TTC29: variants seen among roughly 807,000 people sequenced by gnomAD.
TTC29 encodes tetratricopeptide repeat domain 29, also known as tetratricopeptide repeat protein 29.
In TTC29, 49 loss-of-function variants were observed where a neutral mutation model predicts 58.1. That is an observed-to-expected ratio of 0.84 (90% CI 0.67 to 1.07). TTC29 has a LOEUF of 1.07. TTC29 is among the 50% of genes least tolerant of loss of function. The pLI is 0.00. For synonymous variants in TTC29, 209 were observed against 196.8 expected (o/e 1.06, Z -0.52); for missense variants, 582 against 555.6 (o/e 1.05, Z -0.48).
intron 8 of TTC29, among the ~76,000 whole-genome samples, chr4:146,837,064 A>T (rs1003840716): frequency 2.0e-5 from 3 of 152,168 alleles, no homozygotes; most frequent in African/African-American, 7.2e-5. Flanking sequence ...CTGCAGCACT[A>T]TTCACAATAG....
intron 11 of TTC29, among the ~76,000 whole-genome samples, chr4:146,792,013 G>C (rs1749493284): frequency 6.6e-6 from 1 of 152,208 alleles, no homozygotes; most frequent in South Asian, 2.1e-4. Flanking sequence ...GTTAAGAGAA[G>C]AAGTCATCTC....
chr4:146,854,578 C>T (rs1428784686), intron 8 of TTC29, among the ~76,000 whole-genome samples: 2 of 152,112 alleles, frequency 1.3e-5, no homozygotes, highest in South Asian at 2.1e-4. Flanking sequence ...ACTCTTACTC[C>T]CTTTCCCCTC....
At chr4:146,728,866 T>TACAC (rs1305554152) in intron 11 of TTC29, among the ~76,000 whole-genome samples, 8 of 44,392 alleles carry the variant, frequency 1.8e-4, no homozygotes, top group South Asian at 1.5e-3. Context: ...TACACATATA[T>TACAC]ATGTGTGTGT....
chr4:146,720,351 A>C (rs1743266281), intron 11 of TTC29, among the ~76,000 whole-genome samples: 1 of 152,136 alleles, frequency 6.6e-6, no homozygotes, highest in Non-Finnish European at 1.5e-5. Flanking sequence ...TCTTGCATTA[A>C]AGAAAAACCC....
At position 146,824,875 on chromosome 4, in the gene TTC29, T is replaced by C. The variant is rs186250328; in HGVS notation, c.978-4627A>G. 5.3e-5 allele frequency among the ~76,000 whole-genome samples: 8 copies of C among 152,320 alleles called. No individual in the cohort carries two copies. The East Asian group carries it at 1.5e-3, about 29-fold the overall frequency. Reference sequence around the variant, plus strand: ...ATTTATCCATTTCTTCTAGATTTTCTAGTTTATTTGTGTATAGTTGTTTAC... The same window carrying C: ...ATTTATCCATTTCTTCTAGATTTTCCAGTTTATTTGTGTATAGTTGTTTAC... On this transcript the variant is annotated intron_variant, in intron 9 of 12. Transcript: ENST00000325106.
chr4:146,733,925 C>T (rs1421392881), intron 11 of TTC29, among the ~76,000 whole-genome samples: 2 of 151,840 alleles, frequency 1.3e-5, no homozygotes, highest in Non-Finnish European at 2.9e-5. Context: ...TAATTTGTAG[C>T]CAGAATAGCA....
At chr4:146,845,817 TCA>T (rs112302644) in intron 8 of TTC29, among the ~76,000 whole-genome samples, 39,018 of 148,432 alleles carry the variant, frequency 0.26, 5,225 homozygotes, top group African/African-American at 0.33. Flanking sequence ...GTACACACAA[TCA>T]CACACACACA....
At chr4:146,831,704 C>G in intron 9 of TTC29, 1 of 450,320 alleles carries the variant, frequency 2.2e-6, no homozygotes. Flanking sequence ...CTGAATCGAC[C>G]AGGAATTCAA....
At chr4:146,864,148 C>A (rs550316208) in intron 8 of TTC29, among the ~76,000 whole-genome samples, 5 of 152,208 alleles carry the variant, frequency 3.3e-5, no homozygotes, top group Admixed American at 1.3e-4. Context: ...TCCTTGAATA[C>A]CTTTAAAACT....
chr4:146,891,670 A>G (rs1006634748), intron 6 of TTC29, among the ~76,000 whole-genome samples: 6 of 152,022 alleles, frequency 3.9e-5, no homozygotes, highest in Middle Eastern at 3.2e-3. Context: ...TGTTGATATT[A>G]CTCCTTGGCC....
intron 11 of TTC29, among the ~76,000 whole-genome samples, chr4:146,761,488 T>C (rs921157957): frequency 2.0e-5 from 3 of 151,950 alleles, no homozygotes; most frequent in Non-Finnish European, 4.4e-5. Context: ...AGAACAAATA[T>C]ATTCAAGTAA....
intron 11 of TTC29, among the ~76,000 whole-genome samples, chr4:146,796,788 C>T (rs1442765815): frequency 6.6e-5 from 10 of 151,984 alleles, no homozygotes; most frequent in Non-Finnish European, 1.0e-4. Flanking sequence ...GTTGGGGCTC[C>T]TTGTAGAAAT....
At position 146,896,940 on chromosome 4, in the gene TTC29, A is replaced by G. The variant is rs78404650; in HGVS notation, c.586+6604T>C. ...TTATGAAGATACGAAGCAGTTTTCTAAAACTACCACTTTAACAGGTGTGTT... is the reference window on the plus strand; with the variant it reads ...TTATGAAGATACGAAGCAGTTTTCTGAAACTACCACTTTAACAGGTGTGTT... On this transcript the variant is annotated intron_variant, in intron 6 of 12. Coordinates refer to ENST00000325106, the MANE Select transcript of TTC29 (RefSeq NM_031956.4). Among the ~76,000 whole-genome samples the G allele has an allele frequency of 6.8e-4, 103 of 152,280 alleles. 2 individuals carry two copies. The East Asian group carries it at 0.02, about 29-fold the overall frequency.
intron 11 of TTC29, among the ~76,000 whole-genome samples, chr4:146,725,690 C>A (rs1384326158): frequency 6.6e-6 from 1 of 152,148 alleles, no homozygotes; most frequent in Non-Finnish European, 1.5e-5. Context: ...CATCTTTCAT[C>A]AAGGTGTTTG....
intron 6 of TTC29, among the ~76,000 whole-genome samples, chr4:146,886,754 T>C (rs1465971182): frequency 6.6e-6 from 1 of 152,208 alleles, no homozygotes; most frequent in African/African-American, 2.4e-5. Context: ...GTAAGGTCTC[T>C]GCTGAGCAAA....
chr4:146,835,945 T>C (rs1728481669), intron 8 of TTC29, among the ~76,000 whole-genome samples: 1 of 152,170 alleles, frequency 6.6e-6, no homozygotes, highest in Non-Finnish European at 1.5e-5. Context: ...AGCTTTGGCC[T>C]TGCACTTGAT....
chr4:146,869,097 TAAAA>T (rs35029868), intron 7 of TTC29, among the ~76,000 whole-genome samples: 8,096 of 110,466 alleles, frequency 0.073, 359 homozygotes, highest in East Asian at 0.16. Flanking sequence ...GAGCTTTAAG[TAAAA>T]AAAAAAAAAA....
rs1304843998 is a variant in TTC29, at chr4:146,739,659, AT to A, written c.1331-32109del. ...GTTTGGATATTCGGAGTGGAGAGTA[AT>A]TGGTTCTAACATTTCATTAAAAAGA... On this transcript the variant is annotated intron_variant, in intron 11 of 12. Transcript: ENST00000325106. Among the ~76,000 whole-genome samples, 4 of 152,288 alleles carry A rather than the reference AT, an allele frequency of 2.6e-5. No homozygotes were observed. The East Asian group carries it at 7.7e-4, about 29-fold the overall frequency.
chr4:146,775,635 G>A (rs1748036317), intron 11 of TTC29, among the ~76,000 whole-genome samples: 1 of 151,730 alleles, frequency 6.6e-6, no homozygotes, highest in African/African-American at 2.4e-5. Context: ...TTAGCCCAAT[G>A]GGGTTCTCTT....
Sources: gnomAD v4.1 joint callset for allele counts (sites outside exome capture counted in the v4.1 genomes callset) on GRCh38, gnomAD v4.1.1 for gene constraint, MANE v1.5 for transcripts, NCBI Gene and HGNC (gene_info 2026-07-23, HGNC 2026-07-21) for gene names.